Variants in STK32B observed in about 807,000 individuals in gnomAD.
STK32B encodes serine/threonine kinase 32B, also known as serine/threonine-protein kinase 32B.
In STK32B, 43 loss-of-function variants were observed where a neutral mutation model predicts 52.6. The observed-to-expected ratio is 0.82, with a 90% CI of 0.64 to 1.05. The LOEUF is 1.05. STK32B is among the 50% of genes least tolerant of loss of function. The pLI is 0.00. For missense variants in STK32B, 621 were observed against 534.6 expected (o/e 1.16, Z -1.59); for synonymous variants, 238 against 204.3 (o/e 1.17, Z -1.41).
At chr4:5,039,696 ATGAT>A in the STK32B span, among the ~76,000 whole-genome samples, 1 of 152,212 alleles carries the variant, frequency 6.6e-6, no homozygotes, top group African/African-American at 2.4e-5. Flanking sequence ...GCTAAATTCT[ATGAT>A]TGACAGTGCA....
chr4:5,242,643 G>C (rs1262944841), intron 3 of STK32B, among the ~76,000 whole-genome samples: 2 of 152,132 alleles, frequency 1.3e-5, no homozygotes, highest in African/African-American at 4.8e-5. Flanking sequence ...TAGACATGAC[G>C]TCCTTGCCCA....
intron 6 of STK32B, among the ~76,000 whole-genome samples, chr4:5,431,228 A>G (rs1390891353): frequency 3.3e-5 from 5 of 152,232 alleles, no homozygotes; most frequent in African/African-American, 1.2e-4. Context: ...AAACCTTGAG[A>G]AGTGTGTAGG....
chr4:5,163,394 T>C (rs1718600224), intron 2 of STK32B, among the ~76,000 whole-genome samples: 1 of 152,160 alleles, frequency 6.6e-6, no homozygotes, highest in African/African-American at 2.4e-5. Context: ...GGGCACCGCA[T>C]ACAGCTTCAA....
chr4:5,086,970 A>G (rs1341926152), intron 1 of STK32B, among the ~76,000 whole-genome samples: 2 of 152,266 alleles, frequency 1.3e-5, no homozygotes, highest in Non-Finnish European at 2.9e-5. Flanking sequence ...TAAGGATAGT[A>G]TAGAGTAACT....
At chr4:5,080,112 A>T (rs1712327203) in intron 1 of STK32B, among the ~76,000 whole-genome samples, 2 of 152,068 alleles carry the variant, frequency 1.3e-5, no homozygotes, top group Admixed American at 1.3e-4. Flanking sequence ...GGGTCTTCTC[A>T]TTACACCATA....
At chr4:5,092,645 C>T (rs1368194836) in intron 1 of STK32B, among the ~76,000 whole-genome samples, 2 of 152,100 alleles carry the variant, frequency 1.3e-5, no homozygotes, top group Non-Finnish European at 1.5e-5. Context: ...GTGGCTTCTG[C>T]TTCTGAGGAG....
chr4:5,240,204 T>C (rs1288858169), intron 3 of STK32B, among the ~76,000 whole-genome samples: 1 of 152,128 alleles, frequency 6.6e-6, no homozygotes, highest in African/African-American at 2.4e-5. Flanking sequence ...TCTCTTCAAA[T>C]AGTTCTTCTG....
At chr4:5,331,588 A>G (rs889577199) in intron 4 of STK32B, among the ~76,000 whole-genome samples, 195 bp downstream of exon 4, 4 of 152,150 alleles carry the variant, frequency 2.6e-5, no homozygotes, top group Admixed American at 6.5e-5. Context: ...CTCCCATCCT[A>G]TACCCGTACA....
chr4:5,348,233 C>T (rs1330286291), intron 4 of STK32B, among the ~76,000 whole-genome samples: 1 of 152,184 alleles, frequency 6.6e-6, no homozygotes, highest in Non-Finnish European at 1.5e-5. Context: ...CTCAATCTTT[C>T]TGGCCCCTGA....
rs904949440 is a variant in STK32B, at chr4:5,380,947, G to A, written c.435-17260G>A. Among the ~76,000 whole-genome samples, 7 of 152,042 alleles carry A rather than the reference G, an allele frequency of 4.6e-5. No individual in the cohort carries two copies. Among genetic ancestry groups the A allele is most frequent in the African/African-American group, 1.2e-4 (5 of 41,390 alleles). Reference sequence around the variant, plus strand: ...CATTATCCTCTCCAGCAGCCCACCCGTCCTCCCAACTCTCTGGCCCACCGC... The same window carrying A: ...CATTATCCTCTCCAGCAGCCCACCCATCCTCCCAACTCTCTGGCCCACCGC... On this transcript the variant is annotated intron_variant, in intron 4 of 11. Coordinates refer to ENST00000282908, the MANE Select transcript of STK32B (RefSeq NM_018401.3). The surrounding 1 kb of genome is among the most constrained non-coding windows in gnomAD (Gnocchi z 4.3).
intron 11 of STK32B, among the ~76,000 whole-genome samples, chr4:5,497,465 A>G (rs560156666): frequency 6.6e-6 from 1 of 152,222 alleles, no homozygotes; most frequent in African/African-American, 2.4e-5. Context: ...GTTCCTGCCC[A>G]GTCCACTAGG....
At chr4:5,477,818 T>G (rs995484873) in intron 11 of STK32B, among the ~76,000 whole-genome samples, 1 of 152,046 alleles carries the variant, frequency 6.6e-6, no homozygotes, top group Non-Finnish European at 1.5e-5. Flanking sequence ...AGCCCAGAAC[T>G]TCAATCCTGC....
intron 3 of STK32B, among the ~76,000 whole-genome samples, chr4:5,237,274 A>T (rs1188931945): frequency 6.6e-6 from 1 of 152,112 alleles, no homozygotes; most frequent in South Asian, 2.1e-4. Context: ...CCAGATTCCT[A>T]CTGCTTTTCC....
At chr4:5,211,994 G>A (rs897953460) in intron 3 of STK32B, among the ~76,000 whole-genome samples, 8 of 152,150 alleles carry the variant, frequency 5.3e-5, no homozygotes, top group East Asian at 1.9e-4. Context: ...AACTGAAGCC[G>A]AGGGACTAAC....
intron 11 of STK32B, among the ~76,000 whole-genome samples, chr4:5,491,584 G>T (rs1241975187): frequency 1.9e-4 from 29 of 151,940 alleles, no homozygotes; most frequent in South Asian, 4.2e-4. Flanking sequence ...TTAGTTTAAT[G>T]AGATCCCATT....
chr4:5,079,719 C>T (rs1712294823), intron 1 of STK32B, among the ~76,000 whole-genome samples: 1 of 152,094 alleles, frequency 6.6e-6, no homozygotes, highest in Non-Finnish European at 1.5e-5. Context: ...ACAATGAATC[C>T]CTCTGCATGA....
chr4:5,288,019 T>C (rs1728661190), intron 3 of STK32B, among the ~76,000 whole-genome samples: 2 of 152,204 alleles, frequency 1.3e-5, no homozygotes, highest in African/African-American at 2.4e-5. Context: ...TATAACCTAT[T>C]AAGACTGATT....
intron 3 of STK32B, among the ~76,000 whole-genome samples, chr4:5,271,987 A>G (rs1397888146): frequency 6.7e-6 from 1 of 148,802 alleles, no homozygotes; most frequent in African/African-American, 2.6e-5. Context: ...CTAATTGAAT[A>G]CCCTTTATTT....
chr4:5,343,845 G>A (rs1733266409), intron 4 of STK32B, among the ~76,000 whole-genome samples: 3 of 152,186 alleles, frequency 2.0e-5, no homozygotes, highest in Admixed American at 2.0e-4. Context: ...AGGGAGGGGT[G>A]CAAAGTAGCC....
Sources: allele counts gnomAD v4.1 joint callset (sites outside exome capture counted in the v4.1 genomes callset), GRCh38; gene constraint gnomAD v4.1.1; non-coding constraint Gnocchi (gnomAD v3.1); transcripts MANE v1.5; gene names NCBI Gene and HGNC (gene_info 2026-07-23, HGNC 2026-07-21).